Variants in DPY19L2 observed in about 807,000 individuals in gnomAD.
The protein encoded by DPY19L2 is probable C-mannosyltransferase DPY19L2.
A neutral mutation model predicts 97.9 loss-of-function variants in DPY19L2; 34 were observed. The ratio of observed to expected loss-of-function variants is 0.35; its 90% CI spans 0.26 to 0.46. The LOEUF is 0.46. Among genes scored for constraint, DPY19L2 ranks in the 20% least tolerant of loss-of-function variants. The pLI is 1.00. For missense variants in DPY19L2, 623 were observed against 911.4 expected, an observed-to-expected ratio of 0.68 and a Z score of 4.07; for synonymous variants, 230 against 307.9, an observed-to-expected ratio of 0.75 and a Z score of 2.65.
chr12:63,645,854 C>A (rs939687519), intron 5 of DPY19L2, among the ~76,000 whole-genome samples: 6 of 152,002 alleles, frequency 3.9e-5, no homozygotes, highest in Admixed American at 3.9e-4. Context: ...TTTTTCCATA[C>A]CATTGACTAA....
intron 5 of DPY19L2, among the ~76,000 whole-genome samples, chr12:63,646,865 A>G (rs1173990766): frequency 2.6e-5 from 4 of 152,202 alleles, no homozygotes; most frequent in Non-Finnish European, 5.9e-5. Flanking sequence ...TTAAATATGT[A>G]TGCATAATTA....
At chr12:63,581,569 C>T (rs1880925900) in intron 18 of DPY19L2, among the ~76,000 whole-genome samples, 1 of 148,048 alleles carries the variant, frequency 6.8e-6, no homozygotes, top group African/African-American at 2.5e-5. Flanking sequence ...CTTCGACCTC[C>T]ACTTCCCGGG....
intron 21 of DPY19L2, among the ~76,000 whole-genome samples, chr12:63,562,438 G>GTTTCCAGTTTGGGGCTAATACAGAATACT (rs1353874101): frequency 0.027 from 4,141 of 151,984 alleles, 197 homozygotes; most frequent in African/African-American, 0.094. Flanking sequence ...ATAAATAAGT[G>GTTTCCAGTTTGGGGCTAATACAGAATACT]GATTGTTTCC....
rs547113576 is a variant in DPY19L2 at position 63,586,620 on chromosome 12, A to G, written c.1581-2784T>C. Among the ~76,000 whole-genome samples the G allele has an allele frequency of 3.2e-4, 49 of 152,266 alleles. 1 individual carries two copies. Among genetic ancestry groups the G allele is most frequent in the African/African-American group, 1.1e-3 (45 of 41,566 alleles). On this transcript the variant is annotated intron_variant, in intron 16 of 21. Coordinates refer to ENST00000324472, the MANE Select transcript of DPY19L2 (RefSeq NM_173812.5). The stretch of plus-strand genomic sequence containing the variant: ...TACTTACCTTCTTATTGGTTTCCTC[A>G]TCTGCAAATAATGGGAATAACTGAC...
chr12:63,627,449 A>C (rs577109657), intron 6 of DPY19L2, among the ~76,000 whole-genome samples: 1 of 152,030 alleles, frequency 6.6e-6, no homozygotes, highest in Non-Finnish European at 1.5e-5. Context: ...TCCCTGGTTC[A>C]AGCCGATTCT....
Position 63,582,543 on chromosome 12 carries a change from G to C in DPY19L2, c.1606-18C>G, listed in dbSNP as rs1881115249. The C allele has an allele frequency of 6.3e-7, 1 of 1,598,894 alleles. No individual in the cohort carries two copies. Among genetic ancestry groups the C allele is most frequent in the African/African-American group, 1.4e-5 (1 of 74,008 alleles). On this transcript the variant is annotated intron_variant, in intron 17 of 21. Transcript: ENST00000324472. ...AAAGCCAGCTATAAAACACAAATAA[G>C]ACAAAATCACATTTTTACTTTTCAT... is the stretch of plus-strand genomic sequence containing the variant.
At chr12:63,644,619 A>G (rs1893149060) in intron 5 of DPY19L2, 123 bp from the exon 6 acceptor site, 1 of 1,408,150 alleles carries the variant, frequency 7.1e-7, no homozygotes, top group Non-Finnish European at 9.5e-7. Context: ...TGCTTTCCAG[A>G]TTGCTGCTGT....
rs1339389467 is a variant in DPY19L2 at position 63,607,472 on chromosome 12, C to T, written c.1278+1144G>A. Among the ~76,000 whole-genome samples the T allele has an allele frequency of 2.0e-5, 3 of 152,098 alleles. No individual in the cohort carries two copies. In the East Asian group the frequency reaches 5.8e-4, roughly 29 times the overall value. ...ATAAAAAGACAAAAAAAGCATCATG[C>T]CATTCATTCAACAACTTAGTGGACA... is the stretch of plus-strand genomic sequence containing the variant. On this transcript the variant is annotated intron_variant, in intron 12 of 21. Coordinates refer to ENST00000324472, the MANE Select transcript of DPY19L2 (RefSeq NM_173812.5).
At chr12:63,588,529 G>A (rs1280115403) in intron 16 of DPY19L2, among the ~76,000 whole-genome samples, 1 of 151,916 alleles carries the variant, frequency 6.6e-6, no homozygotes, top group Non-Finnish European at 1.5e-5. Context: ...CACATGTTAA[G>A]CATTCTTACC....
At chr12:63,600,889 C>T (rs12230317) in intron 12 of DPY19L2, among the ~76,000 whole-genome samples, 60,498 of 151,034 alleles carry the variant, frequency 0.4, 12,128 homozygotes, top group East Asian at 0.48. Flanking sequence ...GGGTTCACGG[C>T]ATTCTCCTGC....
At chr12:63,657,995 C>T (rs2138269201) in intron 4 of DPY19L2, among the ~76,000 whole-genome samples, 1 of 152,250 alleles carries the variant, frequency 6.6e-6, no homozygotes, top group Middle Eastern at 3.4e-3. Context: ...TGTCCTCTGA[C>T]TTCAGTTTTC....
chr12:63,633,046 C>T (rs990617989), intron 6 of DPY19L2, among the ~76,000 whole-genome samples: 1 of 152,126 alleles, frequency 6.6e-6, no homozygotes, highest in African/African-American at 2.4e-5. Flanking sequence ...CTTCCTTACA[C>T]CTTTTACAAA....
chr12:63,623,287 G>A (rs1888995068), intron 8 of DPY19L2, among the ~76,000 whole-genome samples: 1 of 151,664 alleles, frequency 6.6e-6, no homozygotes, highest in East Asian at 1.9e-4. Context: ...TGTCCTGTTA[G>A]AAACATTGGT....
chr12:63,627,351 T>A lies in DPY19L2; in HGVS notation c.804-825A>T, dbSNP rs532693726. ...TCTTTTGTTGTTGTTATTGTTGTTG[T>A]TGTTTTGTTTTGTTTTGAGACAGAG... On this transcript the variant is annotated intron_variant, in intron 6 of 21. Transcript: ENST00000324472. 2.6e-5 allele frequency among the ~76,000 whole-genome samples: 4 copies of A among 151,308 alleles called. No homozygotes were observed. In the South Asian group the frequency reaches 8.3e-4, roughly 31 times the overall value.
chr12:63,589,551 G>A (rs1358450820), intron 16 of DPY19L2, among the ~76,000 whole-genome samples: 1 of 151,826 alleles, frequency 6.6e-6, no homozygotes. Flanking sequence ...GGGAAAGGTA[G>A]ACTCCTCTAT....
At chr12:63,566,254 C>T (rs1463671933) in intron 21 of DPY19L2, among the ~76,000 whole-genome samples, 1 of 151,938 alleles carries the variant, frequency 6.6e-6, no homozygotes, top group African/African-American at 2.4e-5. Flanking sequence ...TATTTCAAGA[C>T]ATTTGGAGAT....
chr12:63,608,940 C>T (rs1032865867), intron 11 of DPY19L2, among the ~76,000 whole-genome samples: 1 of 152,014 alleles, frequency 6.6e-6, no homozygotes, highest in African/African-American at 2.4e-5. Context: ...AGGCTAATTC[C>T]TCTACAAAGA....
At chr12:63,616,055 T>C (rs1887774710) in intron 11 of DPY19L2, among the ~76,000 whole-genome samples, 1 of 152,130 alleles carries the variant, frequency 6.6e-6, no homozygotes, top group Non-Finnish European at 1.5e-5. Flanking sequence ...TTAAAGTATA[T>C]AGGAAGATGT....
At chr12:63,656,458 T>C (rs1894986474) in intron 4 of DPY19L2, among the ~76,000 whole-genome samples, 1 of 152,204 alleles carries the variant, frequency 6.6e-6, no homozygotes, top group South Asian at 2.1e-4. Context: ...TCTCATACTC[T>C]TTAATGCGTT....
Sources: gnomAD v4.1 joint callset for allele counts (sites outside exome capture counted in the v4.1 genomes callset) on GRCh38, gnomAD v4.1.1 for gene constraint, MANE v1.5 for transcripts, NCBI Gene and HGNC (gene_info 2026-07-23, HGNC 2026-07-21) for gene names.